Variants in CDK11B observed in about 807,000 individuals in gnomAD.
CDK11B encodes cyclin-dependent kinase 11B.
In CDK11B, 37 loss-of-function variants were observed where a neutral mutation model predicts 84.0. The ratio of observed to expected loss-of-function variants is 0.44; its 90% CI spans 0.34 to 0.58. The LOEUF (loss-of-function observed/expected upper bound fraction) is 0.58. CDK11B is among the 20% of genes least tolerant of loss of function. The pLI is 0.02. For missense variants in CDK11B, 427 were observed against 834.0 expected (o/e 0.51, Z 6.01); for synonymous variants, 269 against 309.8 (o/e 0.87, Z 1.38).
intron 6 of CDK11B, among the ~76,000 whole-genome samples, chr1:1,643,822 G>A (rs1308155339): frequency 1.4e-5 from 2 of 144,090 alleles, no homozygotes; most frequent in Non-Finnish European, 3.0e-5. Context: ...AAAGAAAGCA[G>A]AAGAGACTGA....
chr1:1,644,122 C>G (rs990322414), intron 6 of CDK11B, among the ~76,000 whole-genome samples: 2 of 152,232 alleles, frequency 1.3e-5, no homozygotes, highest in African/African-American at 2.4e-5. Context: ...CCAAGGGATC[C>G]TCTATAAGAT....
At chr1:1,651,532 T>TG (rs1642003997) in intron 4 of CDK11B, among the ~76,000 whole-genome samples, 1 of 151,302 alleles carries the variant, frequency 6.6e-6, no homozygotes, top group Admixed American at 6.6e-5. Flanking sequence ...ACTCTCTCTA[T>TG]AGCCCTTCTG....
chr1:1,636,727 C>G lies in CDK11B; in HGVS notation c.1872G>C (p.Leu624=). The change falls in exon 17 of 20, where the codon CTG becomes CTC. Residue 624 remains leucine (L), a synonymous_variant. Transcript: ENST00000341832. Reference sequence around the variant, plus strand: ...GATCGATTTCTGACTTCCCGGGGAACAGAGGCTTCTGAGTCAGCAGCTCCC... The same window carrying G: ...GATCGATTTCTGACTTCCCGGGGAAGAGAGGCTTCTGAGTCAGCAGCTCCC... ...IFGELLTQKP[L]FPGKSEIDQI... is the part of the protein sequence containing the mutation. The G allele has an allele frequency of 2.5e-6, 4 of 1,613,996 alleles. No homozygotes were observed. The highest frequency in any genetic ancestry group is 2.5e-6 in the Non-Finnish European group (3 of 1,179,878).
At position 1,654,839 on chromosome 1, in the gene CDK11B, T is replaced by C. The variant is rs183171525; in HGVS notation, c.227+530A>G. ...ACGCCCGGCTAATTTTCTGTATTTT[T>C]AGTAGAGACGGGGTTTCACTGTGTT... On this transcript the variant is annotated intron_variant, in intron 3 of 19. Coordinates refer to ENST00000341832, the MANE Select transcript of CDK11B (RefSeq NM_033486.3). 8.7e-3 allele frequency among the ~76,000 whole-genome samples: 1,307 copies of C among 150,940 alleles called. 8 individuals carry two copies. The highest frequency in any genetic ancestry group is 0.023 in the African/African-American group (936 of 41,090).
At chr1:1,638,815 T>A (rs1415428595) in intron 11 of CDK11B, among the ~76,000 whole-genome samples, 1 of 151,804 alleles carries the variant, frequency 6.6e-6, no homozygotes, top group African/African-American at 2.4e-5. Flanking sequence ...CAAAAGGCCA[T>A]CCCAGCCAGG....
chr1:1,643,444 GAAAC>G (rs1324214676), intron 6 of CDK11B, among the ~76,000 whole-genome samples: 1 of 151,514 alleles, frequency 6.6e-6, no homozygotes, highest in African/African-American at 2.5e-5. Context: ...AAACACAAGA[GAAAC>G]AAAGAAATAG....
chr1:1,639,135 T>C (rs1171524692), intron 11 of CDK11B, among the ~76,000 whole-genome samples: 1 of 151,450 alleles, frequency 6.6e-6, no homozygotes, highest in Non-Finnish European at 1.5e-5. Context: ...GAGACAGGAT[T>C]TCACCATATT....
At position 1,649,487 on chromosome 1, in the gene CDK11B, C is replaced by G; in HGVS notation, c.494+12G>C. 6.4e-7 allele frequency: 1 copy of G among 1,558,050 alleles called. No individual in the cohort carries two copies. Among genetic ancestry groups the G allele is most frequent in the Non-Finnish European group, 8.9e-7 (1 of 1,129,730 alleles). On this transcript the variant is annotated intron_variant, in intron 5 of 19. Coordinates refer to ENST00000341832, the MANE Select transcript of CDK11B (RefSeq NM_033486.3). ...CCTTTTATAAAGTCCTCAACTGACC[C>G]AGCCGACTCACCTTTCTCTCCTGGA... is the stretch of plus-strand genomic sequence containing the variant.
chr1:1,653,863 C>CACACACACACAA (rs761317190), intron 3 of CDK11B, among the ~76,000 whole-genome samples: 2,484 of 132,868 alleles, frequency 0.019, 76 homozygotes, highest in East Asian at 0.12. Context: ...CACACACACA[C>CACACACACACAA]CCGAGCGTGG....
rs1459996973 is a variant in CDK11B at position 1,639,270 on chromosome 1, A to G, written c.1252-680T>C. Among the ~76,000 whole-genome samples, 17 of 151,844 alleles carry G rather than the reference A, an allele frequency of 1.1e-4. 1 individual carries two copies. The highest frequency in any genetic ancestry group is 3.6e-4 in the African/African-American group (15 of 41,312). Reference sequence around the variant, plus strand: ...CTCCTTTCTACAAAATAAAAAAATTAGCCAGGCATGGTGGCTTGCGCCTGT... The same window carrying G: ...CTCCTTTCTACAAAATAAAAAAATTGGCCAGGCATGGTGGCTTGCGCCTGT... On this transcript the variant is annotated intron_variant, in intron 11 of 19. Coordinates refer to ENST00000341832, the MANE Select transcript of CDK11B (RefSeq NM_033486.3).
At chr1:1,649,750 G>GTGAACCCGGGA (rs1641644468) in intron 4 of CDK11B, 113 bp from the exon 5 acceptor site, 1 of 997,018 alleles carries the variant, frequency 1.0e-6, no homozygotes, top group African/African-American at 1.6e-5. Flanking sequence ...TGAGGCGGGC[G>GTGAACCCGGGA]GATCACCTGA....
At chr1:1,643,461 C>T (rs1477130794) in intron 6 of CDK11B, among the ~76,000 whole-genome samples, 1 of 151,556 alleles carries the variant, frequency 6.6e-6, no homozygotes, top group South Asian at 2.1e-4. Flanking sequence ...AGAAATAGGA[C>T]AGTATGTCCC....
chr1:1,655,613 G>C (rs751263496), intron 2 of CDK11B, 129 bp from the exon 3 acceptor site: 83 of 1,348,726 alleles, frequency 6.2e-5, no homozygotes, highest in Non-Finnish European at 6.8e-5. Flanking sequence ...CTCTGAATGA[G>C]CCAGTGTTAT....
intron 6 of CDK11B, among the ~76,000 whole-genome samples, chr1:1,644,859 G>A (rs1188793099): frequency 6.7e-6 from 1 of 149,816 alleles, no homozygotes; most frequent in Admixed American, 6.6e-5. Flanking sequence ...TGAACATGGT[G>A]GCGGGTGCCT....
rs779410530 is a variant in CDK11B, at chr1:1,637,378, C to T, written c.1570+30G>A. 1.9e-5 allele frequency: 31 copies of T among 1,606,642 alleles called. 1 individual carries two copies. The highest frequency in any genetic ancestry group is 5.6e-5 in the South Asian group (5 of 89,998). On this transcript the variant is annotated intron_variant, in intron 14 of 19. Transcript: ENST00000341832. Reference sequence around the variant, plus strand: ...GACCAGGACCCTGCCCCCACTTGTACGCAGACAGGCCCCTGGGGCGCGGCT... The same window carrying T: ...GACCAGGACCCTGCCCCCACTTGTATGCAGACAGGCCCCTGGGGCGCGGCT...
At chr1:1,637,034 G>C in intron 15 of CDK11B, 30 bp from the exon 16 acceptor site, 1 of 1,613,150 alleles carries the variant, frequency 6.2e-7, no homozygotes, top group Non-Finnish European at 8.5e-7. Context: ...GCTGTGAGTG[G>C]GCCCCGGCAG....
chr1:1,653,147 A>C (rs12749364), intron 3 of CDK11B, among the ~76,000 whole-genome samples: 51,795 of 149,332 alleles, frequency 0.35, 9,667 homozygotes, highest in African/African-American at 0.5. Context: ...GCCTCTGCCT[A>C]AGGAGTAGCT....
At chr1:1,656,492 A>C (rs535184032) in intron 2 of CDK11B, among the ~76,000 whole-genome samples, 33 of 152,114 alleles carry the variant, frequency 2.2e-4, no homozygotes, top group Non-Finnish European at 4.3e-4. Flanking sequence ...CTGTCTCAAA[A>C]ACAAACAAAA....
chr1:1,641,146 G>T, intron 9 of CDK11B, 33 bp from the exon 10 acceptor site: 1 of 1,488,240 alleles, frequency 6.7e-7, no homozygotes, highest in East Asian at 2.3e-5. Context: ...GCTCAGACCA[G>T]CACCGGGGCG....
Sources: gnomAD v4.1 joint callset for allele counts (sites outside exome capture counted in the v4.1 genomes callset) on GRCh38, gnomAD v4.1.1 for gene constraint, MANE v1.5 for transcripts, NCBI Gene and HGNC (gene_info 2026-07-23, HGNC 2026-07-21) for gene names.